SEMA4D: variants seen among roughly 807,000 people sequenced by gnomAD.
SEMA4D encodes semaphorin 4D, also known as semaphorin-4D.
In SEMA4D, 22 loss-of-function variants were observed where a neutral mutation model predicts 74.8. The ratio of observed to expected loss-of-function variants is 0.29; its 90% CI spans 0.21 to 0.42. SEMA4D has a LOEUF of 0.42. Among genes scored for constraint, SEMA4D ranks in the 10% least tolerant of loss-of-function variants. The probability of loss-of-function intolerance (pLI) is 1.00; values close to 1 mark genes in which losing one functional copy is unlikely to be tolerated. For synonymous variants in SEMA4D, 445 were observed against 463.7 expected (o/e 0.96, Z 0.52); for missense variants, 937 against 1,118.4 (o/e 0.84, Z 2.31).
At position 89,381,581 on chromosome 9, in the gene SEMA4D, C is replaced by T. The variant is rs979283785; in HGVS notation, c.1447-235G>A. The T allele has an allele frequency of 4.8e-6, 2 of 412,830 alleles. No homozygotes were observed. The highest frequency in any genetic ancestry group is 8.6e-6 in the Non-Finnish European group (2 of 233,064). The allele number at this position is 412,830 out of a possible 1,614,324, so 25.6% of individuals were successfully genotyped here. On this transcript the variant is annotated intron_variant, in intron 13 of 15. Coordinates refer to ENST00000422704, the MANE Select transcript of SEMA4D (RefSeq NM_001371194.2). The surrounding 1 kb of genome is among the most constrained non-coding windows in gnomAD (Gnocchi z 4.6). Reference sequence around the variant, plus strand: ...CCTTAGGTCCAAATCCCTCTCTCCCCTGTCTGGGCACCCACAGGTGCCTGC... The same window carrying T: ...CCTTAGGTCCAAATCCCTCTCTCCCTTGTCTGGGCACCCACAGGTGCCTGC...
rs751271530 is a variant in SEMA4D, at chr9:89,363,428, A to AC, written c.2190+1dup. 7 of 1,612,066 alleles carry AC rather than the reference A, an allele frequency of 4.3e-6. 1 individual carries two copies. The South Asian group carries it at 7.7e-5, about 18-fold the overall frequency. On this transcript the variant is annotated splice_donor_variant, in intron 18 of 18. Transcript: ENST00000339861. LOFTEE classifies it high-confidence loss of function. ...TTTCTTTGCCCGGCTGCGGCCACTT[A>AC]CCCACGCCTTCCTCCAGCTCTGCAT...
chr9:89,450,659 G>GAAAAAAAAAAAAAAAAAAAAAAAAAAA lies in SEMA4D; in HGVS notation c.-244+5228_-244+5229insTTTTTTTTTTTTTTTTTTTTTTTTTTT, dbSNP rs1564832883. ...AGAGTTCTGCAAGTCGAAAAACCCAGGAAAAAAAAAAAAAAAAAAAAAAAA... is the reference window on the plus strand; with the variant it reads ...AGAGTTCTGCAAGTCGAAAAACCCAGAAAAAAAAAAAAAAAAAAAAAAAAAAAGAAAAAAAAAAAAAAAAAAAAAAAA... On this transcript the variant is annotated intron_variant, in intron 2 of 15. Coordinates refer to ENST00000422704, the MANE Select transcript of SEMA4D (RefSeq NM_001371194.2). 7.6e-5 allele frequency: 32 copies of GAAAAAAAAAAAAAAAAAAAAAAAAAAA among 421,266 alleles called. 5 individuals carry two copies. Among genetic ancestry groups the GAAAAAAAAAAAAAAAAAAAAAAAAAAA allele is most frequent in the South Asian group, 1.2e-4 (5 of 40,166 alleles). The allele number at this position is 421,266 out of a possible 1,614,324, so 26.1% of individuals were successfully genotyped here.
intron 2 of SEMA4D, among the ~76,000 whole-genome samples, chr9:89,453,476 G>A (rs950095693): frequency 1.7e-4 from 26 of 152,236 alleles, no homozygotes; most frequent in African/African-American, 6.3e-4. Context: ...AGAGCCCTTT[G>A]CTGCCTGTCT....
intron 2 of SEMA4D, among the ~76,000 whole-genome samples, chr9:89,432,580 A>G (rs1849512084): frequency 1.3e-5 from 2 of 152,224 alleles, no homozygotes; most frequent in South Asian, 4.1e-4. Flanking sequence ...GCCCTCAATG[A>G]TAAAAACAGA....
At chr9:89,450,385 T>G (rs777608978) in intron 2 of SEMA4D, 2 of 1,108,740 alleles carry the variant, frequency 1.8e-6, no homozygotes, top group Non-Finnish European at 2.8e-6. Flanking sequence ...TTTGATGCCA[T>G]GCCATTTACT....
chr9:89,385,845 C>T, intron 13 of SEMA4D: 1 of 935,330 alleles, frequency 1.1e-6, no homozygotes, highest in Non-Finnish European at 1.3e-6. Context: ...GGGAGGCAGC[C>T]CCCTAAAGGC....
intron 2 of SEMA4D, among the ~76,000 whole-genome samples, chr9:89,451,723 T>C (rs1189958420): frequency 6.6e-6 from 1 of 152,022 alleles, no homozygotes; most frequent in African/African-American, 2.4e-5. Flanking sequence ...TTTAAACACA[T>C]TGAAAATGAA....
At chr9:89,407,144 G>A (rs1388222211) in intron 2 of SEMA4D, among the ~76,000 whole-genome samples, 3 of 152,138 alleles carry the variant, frequency 2.0e-5, no homozygotes, top group Non-Finnish European at 4.4e-5. Flanking sequence ...CTGCACCCTC[G>A]CTAACAAAAT....
intron 1 of SEMA4D, among the ~76,000 whole-genome samples, chr9:89,463,403 T>C (rs1374815682): frequency 6.6e-6 from 1 of 152,226 alleles, no homozygotes; most frequent in East Asian, 1.9e-4. Flanking sequence ...GCATGATCCA[T>C]CTGGTCCTCT....
intron 1 of SEMA4D, among the ~76,000 whole-genome samples, chr9:89,480,992 C>A (rs1824605071): frequency 6.6e-6 from 1 of 152,264 alleles, no homozygotes; most frequent in Non-Finnish European, 1.5e-5. Flanking sequence ...ACTATCAGTA[C>A]ATACACACAT....
At chr9:89,488,867 T>C (rs1825405695) in intron 1 of SEMA4D, among the ~76,000 whole-genome samples, 1 of 152,246 alleles carries the variant, frequency 6.6e-6, no homozygotes, top group South Asian at 2.1e-4. Context: ...AGCCATAGAC[T>C]GAGAGAAAAT....
At chr9:89,384,984 G>A (rs551923169) in intron 13 of SEMA4D, 3 of 985,308 alleles carry the variant, frequency 3.0e-6, no homozygotes, top group Non-Finnish European at 3.6e-6. Context: ...CACGAATGGA[G>A]GCTCCTACAG....
chr9:89,446,131 T>C (rs1472555677), intron 2 of SEMA4D, among the ~76,000 whole-genome samples: 3 of 152,096 alleles, frequency 2.0e-5, no homozygotes, highest in African/African-American at 7.2e-5. Context: ...CCTGACCACT[T>C]ATCTGGGCAC....
intron 2 of SEMA4D, among the ~76,000 whole-genome samples, chr9:89,425,986 A>T (rs2134397861): frequency 6.6e-6 from 1 of 152,362 alleles, no homozygotes; most frequent in South Asian, 2.1e-4. Flanking sequence ...GCATCACAGA[A>T]TCTGCCAGAA....
chr9:89,463,702 G>A (rs1480790203), intron 1 of SEMA4D, among the ~76,000 whole-genome samples: 6 of 152,218 alleles, frequency 3.9e-5, no homozygotes, highest in Admixed American at 3.3e-4. Context: ...TTGGGAGGCT[G>A]AGGCGGGCAT....
chr9:89,470,589 T>C (rs1336494419), intron 1 of SEMA4D, among the ~76,000 whole-genome samples: 2 of 152,150 alleles, frequency 1.3e-5, no homozygotes, highest in African/African-American at 4.8e-5. Context: ...ACACGGACCA[T>C]ATGACCCAGC....
chr9:89,384,754 T>G (rs1351396138), intron 13 of SEMA4D: 1 of 985,120 alleles, frequency 1.0e-6, no homozygotes, highest in African/African-American at 1.7e-5. Context: ...GGGGAGGGCG[T>G]GGTACTGGCC....
chr9:89,447,915 C>T (rs539560401), intron 2 of SEMA4D, among the ~76,000 whole-genome samples: 3 of 152,364 alleles, frequency 2.0e-5, no homozygotes, highest in Admixed American at 1.3e-4. Flanking sequence ...TTGGCTCCAT[C>T]AATCAGCCCA....
chr9:89,402,933 T>G lies in SEMA4D; in HGVS notation c.190A>C (p.Ile64Leu). The change falls in exon 4 of 16, where the codon ATA becomes CTA. Residue 64 changes from isoleucine to leucine, a missense_variant. Ile to Leu is a conservative substitution (Grantham distance 5, BLOSUM62 2). Transcript: ENST00000422704. ...LLSEDKDTLY[I>L]GAREAVFAVN... The stretch of plus-strand genomic sequence containing the variant: ...GCGAAGACCGCCTCCCGGGCACCTA[T>G]GTACAAGGTGTCCTTGTCCTCGCTC... The G allele has an allele frequency of 1.2e-6, 2 of 1,614,162 alleles. No individual in the cohort carries two copies. Among genetic ancestry groups the G allele is most frequent in the Non-Finnish European group, 8.5e-7 (1 of 1,179,984 alleles).
Sources: gnomAD v4.1 joint callset for allele counts (sites outside exome capture counted in the v4.1 genomes callset) on GRCh38, gnomAD v4.1.1 for gene constraint, Gnocchi (gnomAD v3.1) non-coding constraint, MANE v1.5 for transcripts, NCBI Gene and HGNC (gene_info 2026-07-23, HGNC 2026-07-21) for gene names.